GRM8: variants seen among roughly 807,000 people sequenced by gnomAD.
GRM8 encodes glutamate metabotropic receptor 8, also known as metabotropic glutamate receptor 8.
A neutral mutation model predicts 87.2 loss-of-function variants in GRM8; 47 were observed. The observed-to-expected ratio is 0.54, with a 90% CI of 0.43 to 0.69. The LOEUF is 0.69. Ranked by LOEUF, GRM8 falls within the 30% of genes least tolerant of loss-of-function variation. The pLI is 0.00. For synonymous variants in GRM8, 396 were observed against 404.5 expected, an observed-to-expected ratio of 0.98 and a Z score of 0.25; for missense variants, 1,019 against 1,139.2, an observed-to-expected ratio of 0.89 and a Z score of 1.52.
chr7:127,169,142 C>T (rs893468104), intron 2 of GRM8, among the ~76,000 whole-genome samples: 54 of 150,720 alleles, frequency 3.6e-4, no homozygotes, highest in Admixed American at 2.4e-3. Flanking sequence ...TGAGACTGGC[C>T]GAAAGCTAGG....
chr7:127,092,338 G>T (rs1370498295), intron 3 of GRM8, among the ~76,000 whole-genome samples: 1 of 152,050 alleles, frequency 6.6e-6, no homozygotes, highest in South Asian at 2.1e-4. Flanking sequence ...ATCTAACTTG[G>T]GTGGGAAGAG....
chr7:126,789,936 T>C (rs1032448969), intron 6 of GRM8, among the ~76,000 whole-genome samples: 2 of 152,200 alleles, frequency 1.3e-5, no homozygotes, highest in Admixed American at 6.5e-5. Context: ...CCAACTGGCA[T>C]GTTGTACTAT....
At chr7:126,812,861 T>C (rs1793431668) in intron 6 of GRM8, among the ~76,000 whole-genome samples, 1 of 151,998 alleles carries the variant, frequency 6.6e-6, no homozygotes, top group Admixed American at 6.6e-5. Context: ...ACCAAGGAGG[T>C]TTCTCATCTC....
At chr7:127,232,375 G>A (rs1797745149) in intron 2 of GRM8, among the ~76,000 whole-genome samples, 1 of 151,830 alleles carries the variant, frequency 6.6e-6, no homozygotes, top group Non-Finnish European at 1.5e-5. Context: ...GAACTACAAG[G>A]GCATGCTACC....
chr7:126,960,376 T>G (rs960235988), intron 3 of GRM8, among the ~76,000 whole-genome samples: 2 of 152,192 alleles, frequency 1.3e-5, no homozygotes, highest in Non-Finnish European at 2.9e-5. Flanking sequence ...TCAGATGACT[T>G]GGGTTTTGAA....
intron 2 of GRM8, among the ~76,000 whole-genome samples, chr7:127,240,466 A>G (rs1223039883): frequency 1.3e-5 from 2 of 150,778 alleles, no homozygotes; most frequent in Admixed American, 6.6e-5. Flanking sequence ...AAAACCTCAT[A>G]TGAATACCTT....
At chr7:126,756,693 C>T (rs964555085) in intron 7 of GRM8, among the ~76,000 whole-genome samples, 3 of 151,966 alleles carry the variant, frequency 2.0e-5, no homozygotes, top group African/African-American at 7.3e-5. Context: ...AACTATAAGA[C>T]ATCTGGAAAA....
chr7:127,145,200 T>C (rs1404360714), intron 2 of GRM8, among the ~76,000 whole-genome samples: 1 of 152,152 alleles, frequency 6.6e-6, no homozygotes, highest in Non-Finnish European at 1.5e-5. Context: ...CTGATTCTAG[T>C]TAAATATCTC....
chr7:126,931,500 T>A (rs1010108999), intron 3 of GRM8, among the ~76,000 whole-genome samples: 1 of 152,164 alleles, frequency 6.6e-6, no homozygotes, highest in Non-Finnish European at 1.5e-5. Flanking sequence ...CATTCACAGA[T>A]AACTAAAAAG....
At chr7:126,856,723 C>G (rs544851396) in intron 6 of GRM8, among the ~76,000 whole-genome samples, 1 of 152,286 alleles carries the variant, frequency 6.6e-6, no homozygotes, top group East Asian at 1.9e-4. Context: ...TCACCTAAAC[C>G]AAGCAATGAT....
intron 9 of GRM8, among the ~76,000 whole-genome samples, chr7:126,451,237 T>A (rs1373941458): frequency 1.3e-5 from 2 of 151,792 alleles, no homozygotes; most frequent in Non-Finnish European, 2.9e-5. Flanking sequence ...TCTTCATCCC[T>A]AAACTTGATC....
At chr7:127,156,907 G>A (rs192796934) in intron 2 of GRM8, among the ~76,000 whole-genome samples, 3 of 152,156 alleles carry the variant, frequency 2.0e-5, no homozygotes, top group Admixed American at 2.0e-4. Context: ...ATAGCAGAAT[G>A]GATACAACCA....
At chr7:127,135,205 A>G (rs1827881654) in intron 2 of GRM8, among the ~76,000 whole-genome samples, 1 of 151,974 alleles carries the variant, frequency 6.6e-6, no homozygotes, top group Non-Finnish European at 1.5e-5. Flanking sequence ...CATTTTCAGG[A>G]AAAAAAATAT....
At chr7:126,490,441 A>G (rs1016136171) in intron 9 of GRM8, among the ~76,000 whole-genome samples, 3 of 152,086 alleles carry the variant, frequency 2.0e-5, no homozygotes, top group Non-Finnish European at 2.9e-5. Context: ...TTTGGCAATC[A>G]ATAATCACAG....
chr7:126,953,959 A>G (rs1015747261), intron 3 of GRM8, among the ~76,000 whole-genome samples: 3 of 152,154 alleles, frequency 2.0e-5, no homozygotes, highest in Non-Finnish European at 4.4e-5. Flanking sequence ...CCTAACTAGG[A>G]CTAGAAGATA....
chr7:127,063,838 T>C (rs748189206), intron 3 of GRM8, among the ~76,000 whole-genome samples: 3 of 152,340 alleles, frequency 2.0e-5, no homozygotes, highest in Non-Finnish European at 2.9e-5. Flanking sequence ...GTTCTCATTA[T>C]TTTCAAAGAA....
At chr7:126,933,770 T>C (rs1806002436) in intron 3 of GRM8, among the ~76,000 whole-genome samples, 1 of 152,236 alleles carries the variant, frequency 6.6e-6, no homozygotes, top group Non-Finnish European at 1.5e-5. Context: ...TGTCATGTAA[T>C]ATGTGCTCAA....
Position 127,242,862 on chromosome 7 carries a change from G to T in GRM8, c.343C>A (p.Gln115Lys), listed in dbSNP as rs774939934. 3 of 1,614,114 alleles carry T rather than the reference G, an allele frequency of 1.9e-6. No homozygotes were observed. The South Asian group carries it at 3.3e-5, about 18-fold the overall frequency. The change falls in exon 2 of 11, where the codon CAG becomes AAG. Residue 115 changes from glutamine to lysine, a missense_variant. Gln to Lys is a moderately conservative substitution (Grantham distance 53). Coordinates refer to ENST00000339582, the MANE Select transcript of GRM8 (RefSeq NM_000845.3). ...AATGCCTGCACGAATGTTAGAGACT[G>T]CTCCAAAGCATAGGTGTCCCTAGAG... The part of the protein sequence containing the change: ...TCSRDTYALE[Q>K]SLTFVQALIE...
chr7:126,701,301 C>T (rs920144804), intron 7 of GRM8, among the ~76,000 whole-genome samples: 1 of 152,108 alleles, frequency 6.6e-6, no homozygotes, highest in Admixed American at 6.5e-5. Context: ...AGCACAGTAG[C>T]CTGTCAGTTC....
Sources: allele counts gnomAD v4.1 joint callset (sites outside exome capture counted in the v4.1 genomes callset), GRCh38; gene constraint gnomAD v4.1.1; transcripts MANE v1.5; gene names NCBI Gene and HGNC (gene_info 2026-07-23, HGNC 2026-07-21).